RIMBP2: variants seen among roughly 807,000 people sequenced by gnomAD.
The protein encoded by RIMBP2 is RIMS-binding protein 2.
RIMBP2 carries 48 observed loss-of-function variants against 118.6 expected under a neutral mutation model. The observed-to-expected ratio is 0.40, with a 90% CI of 0.32 to 0.51. The LOEUF is 0.51. Ranked by LOEUF, RIMBP2 falls within the 20% of genes least tolerant of loss-of-function variation. RIMBP2 has a pLI of 0.41. For synonymous variants in RIMBP2, 762 were observed against 742.9 expected, an observed-to-expected ratio of 1.03 and a Z score of -0.42; for missense variants, 1,551 against 1,768.3, an observed-to-expected ratio of 0.88 and a Z score of 2.20.
Position 130,522,026 on chromosome 12 carries a change from C to G in RIMBP2, c.-216-4109G>C, listed in dbSNP as rs530310696. On this transcript the variant is annotated intron_variant, in intron 2 of 22. Coordinates refer to ENST00000690449, the MANE Select transcript of RIMBP2 (RefSeq NM_001393629.1). ...TCTGCAGCCACAAAAAGGAAGGGCA[C>G]TTCCTTACCTCCACTTATGCCCATC... Among the ~76,000 whole-genome samples the G allele has an allele frequency of 2.0e-3, 299 of 152,280 alleles. 2 individuals carry two copies. The highest frequency in any genetic ancestry group is 6.8e-3 in the African/African-American group (284 of 41,554).
chr12:130,496,531 C>T (rs1566145451), intron 4 of RIMBP2, among the ~76,000 whole-genome samples: 1 of 152,150 alleles, frequency 6.6e-6, no homozygotes, highest in African/African-American at 2.4e-5. Context: ...AGGGGTGAGG[C>T]TCCATCCACT....
chr12:130,557,910 G>A lies in RIMBP2; in HGVS notation c.-216-39993C>T, dbSNP rs116592470. 4.6e-3 allele frequency among the ~76,000 whole-genome samples: 700 copies of A among 152,152 alleles called. 4 individuals carry two copies. Among genetic ancestry groups the A allele is most frequent in the African/African-American group, 0.016 (667 of 41,474 alleles). On this transcript the variant is annotated intron_variant, in intron 2 of 22. Coordinates refer to ENST00000690449, the MANE Select transcript of RIMBP2 (RefSeq NM_001393629.1). ...CTTCCCAGTGAGCAGCTGTGGCTTC[G>A]GCAAGTTACTTACTCCTGGCTCCTG...
chr12:130,534,970 T>C (rs570578916), intron 2 of RIMBP2, among the ~76,000 whole-genome samples: 1 of 152,316 alleles, frequency 6.6e-6, no homozygotes, highest in African/African-American at 2.4e-5. Flanking sequence ...ACCAAATCAA[T>C]ATTTTTATGT....
At chr12:130,417,144 G>A (rs1276211951) in intron 17 of RIMBP2, among the ~76,000 whole-genome samples, 1 of 152,098 alleles carries the variant, frequency 6.6e-6, no homozygotes, top group Non-Finnish European at 1.5e-5. Flanking sequence ...ACCATTGGAG[G>A]GAACGGAAAT....
At chr12:130,518,009 GA>G (rs1344110207) in intron 2 of RIMBP2, 92 bp from the exon 3 acceptor site, 1 of 325,408 alleles carries the variant, frequency 3.1e-6, no homozygotes, top group Non-Finnish European at 4.4e-6. Flanking sequence ...GTGGTAATGA[GA>G]CCCAAGGTTG....
At chr12:130,590,806 T>TC (rs1312280849) in intron 2 of RIMBP2, among the ~76,000 whole-genome samples, 2 of 152,178 alleles carry the variant, frequency 1.3e-5, no homozygotes, top group East Asian at 3.9e-4. Context: ...TGGCAAGGAC[T>TC]CCACCTTCCA....
At chr12:130,574,644 C>T (rs2057948142) in intron 2 of RIMBP2, among the ~76,000 whole-genome samples, 1 of 152,158 alleles carries the variant, frequency 6.6e-6, no homozygotes, top group Admixed American at 6.5e-5. Flanking sequence ...CATCAAAGTT[C>T]AAACGGCTGG....
intron 1 of RIMBP2, among the ~76,000 whole-genome samples, chr12:130,657,547 C>A (rs1006382425): frequency 3.9e-5 from 6 of 152,210 alleles, no homozygotes; most frequent in African/African-American, 1.4e-4. Context: ...GAGAAAGATC[C>A]ATCGTCGAAG....
intron 12 of RIMBP2, among the ~76,000 whole-genome samples, chr12:130,437,635 A>G (rs1037332283): frequency 2.6e-5 from 4 of 152,154 alleles, no homozygotes; most frequent in Admixed American, 6.5e-5. Context: ...GCTGGAGGGA[A>G]GAGAGGGGCT....
intron 1 of RIMBP2, among the ~76,000 whole-genome samples, chr12:130,692,741 A>G (rs1203990787): frequency 6.6e-6 from 1 of 151,190 alleles, no homozygotes; most frequent in African/African-American, 2.4e-5. Flanking sequence ...AATAGGTGGA[A>G]TGGGGTAGAA....
intron 2 of RIMBP2, among the ~76,000 whole-genome samples, chr12:130,612,805 C>T (rs570457715): frequency 5.8e-4 from 88 of 152,254 alleles, no homozygotes; most frequent in African/African-American, 2.0e-3. Context: ...AGACCCCATC[C>T]GGGTGAAGCA....
intron 2 of RIMBP2, among the ~76,000 whole-genome samples, chr12:130,612,362 A>G (rs2060611373): frequency 6.6e-6 from 1 of 152,138 alleles, no homozygotes; most frequent in Admixed American, 6.6e-5. Flanking sequence ...TCATGTATGA[A>G]TATTTACTCA....
intron 4 of RIMBP2, among the ~76,000 whole-genome samples, chr12:130,492,474 G>C (rs1458524822): frequency 6.6e-6 from 1 of 152,204 alleles, no homozygotes; most frequent in Non-Finnish European, 1.5e-5. Flanking sequence ...AGATTTTCCT[G>C]AGTGTTGATT....
chr12:130,500,737 G>A (rs2049678335), intron 4 of RIMBP2, among the ~76,000 whole-genome samples: 1 of 152,074 alleles, frequency 6.6e-6, no homozygotes, highest in African/African-American at 2.4e-5. Context: ...TTAATTCACA[G>A]GCCGCATGTC....
rs530209292 is a variant in RIMBP2 at position 130,646,250 on chromosome 12, A to G, written c.-351-17794T>C. Among the ~76,000 whole-genome samples, 2 of 27,954 alleles carry G rather than the reference A, an allele frequency of 7.2e-5. 1 individual carries two copies. Among genetic ancestry groups the G allele is most frequent in the African/African-American group, 3.1e-4 (2 of 6,474 alleles). 18.3% of individuals were successfully genotyped at this position (27,954 alleles called of 152,430 possible). A position where few individuals can be genotyped will look rare whatever the true frequency, so the allele number is the denominator to read the frequency against. On this transcript the variant is annotated intron_variant, in intron 1 of 22. Transcript: ENST00000690449. Reference sequence around the variant, plus strand: ...CACCACCTGCCTCTCCACCTCCCTCACCACTTCCCTCTCCACCTGCCTCAC... The same window carrying G: ...CACCACCTGCCTCTCCACCTCCCTCGCCACTTCCCTCTCCACCTGCCTCAC...
intron 6 of RIMBP2, chr12:130,465,685 T>G (rs553919216): frequency 6.6e-6 from 1 of 152,278 alleles, no homozygotes; most frequent in South Asian, 2.1e-4. Context: ...GGGTTAAATA[T>G]GACTGTATTT....
intron 2 of RIMBP2, among the ~76,000 whole-genome samples, chr12:130,569,141 C>CA (rs1189954747): frequency 6.6e-6 from 1 of 152,210 alleles, no homozygotes; most frequent in Non-Finnish European, 1.5e-5. Flanking sequence ...AGACAGTCCA[C>CA]ACACTGCTAG....
chr12:130,441,119 G>A (rs1050344150), intron 11 of RIMBP2, among the ~76,000 whole-genome samples: 3 of 152,132 alleles, frequency 2.0e-5, no homozygotes, highest in Non-Finnish European at 1.5e-5. Flanking sequence ...TACAAGCCAC[G>A]TATGCATGCT....
At chr12:130,711,975 A>G (rs1445836215) in intron 1 of RIMBP2, among the ~76,000 whole-genome samples, 1 of 152,270 alleles carries the variant, frequency 6.6e-6, no homozygotes, top group African/African-American at 2.4e-5. Context: ...CCACTGCCAC[A>G]CAATGGTGAG....
Sources: gnomAD v4.1 joint callset for allele counts (sites outside exome capture counted in the v4.1 genomes callset) on GRCh38, gnomAD v4.1.1 for gene constraint, MANE v1.5 for transcripts, NCBI Gene and HGNC (gene_info 2026-07-23, HGNC 2026-07-21) for gene names.